The following GINM1 variants were observed in gnomAD, a reference collection of about 807,000 sequenced individuals.
The protein encoded by GINM1 is glycosylated integral membrane protein 1.
A neutral mutation model predicts 37.8 loss-of-function variants in GINM1; 29 were observed. The observed-to-expected ratio is 0.77, with a 90% CI of 0.57 to 1.05. The LOEUF is 1.05. GINM1 is among the 50% of genes least tolerant of loss of function. The probability of loss-of-function intolerance (pLI) is 0.00; values close to 1 mark genes in which losing one functional copy is unlikely to be tolerated. For missense variants in GINM1, 377 were observed against 397.9 expected (o/e 0.95, Z 0.45); for synonymous variants, 143 against 146.2 (o/e 0.98, Z 0.16).
At chr6:149,585,811 C>T (rs1160535463) in intron 7 of GINM1, among the ~76,000 whole-genome samples, 1 of 152,162 alleles carries the variant, frequency 6.6e-6, no homozygotes, top group Non-Finnish European at 1.5e-5. Flanking sequence ...CCAGGATGGT[C>T]TTGATCCCCT....
At position 149,566,485 on chromosome 6, in the gene GINM1, G is replaced by A. The variant is rs1351289320; in HGVS notation, c.71G>A (p.Trp24Ter). Residue 24 changes from tryptophan to a stop codon, truncating the protein, a stop_gained, in exon 1 of 8, where the codon TGG becomes TAG. Transcript: ENST00000367419. LOFTEE classifies it high-confidence loss of function. This position sits in a 1 kb window ranked among gnomAD's most constrained non-coding sequence, Gnocchi z 4.4. ...LLFVALPASG[W>*]LTTGAPEPPP... The stretch of plus-strand genomic sequence containing the variant: ...TTCGTGGCGCTACCCGCCTCCGGCT[G>A]GCTGACGACGGGCGCCCCCGAGCCG... The A allele has an allele frequency of 6.5e-7, 1 of 1,549,542 alleles. No individual in the cohort carries two copies. Among genetic ancestry groups the A allele is most frequent in the Admixed American group, 1.9e-5 (1 of 52,896 alleles).
rs568480017 is a variant in GINM1, at chr6:149,588,636, T to G, written c.882-2091T>G. Among the ~76,000 whole-genome samples, 11 of 152,286 alleles carry G rather than the reference T, an allele frequency of 7.2e-5. No individual in the cohort carries two copies. In the East Asian group the frequency reaches 1.5e-3, roughly 21 times the overall value. On this transcript the variant is annotated intron_variant, in intron 7 of 7. Coordinates refer to ENST00000367419, the MANE Select transcript of GINM1 (RefSeq NM_138785.5). ...GGGGCTTTTTTTGTTTGTTTTTTGTTTTTTAAAGACAGGGTTTTGTTCTGT... is the reference window on the plus strand; with the variant it reads ...GGGGCTTTTTTTGTTTGTTTTTTGTGTTTTAAAGACAGGGTTTTGTTCTGT...
At chr6:149,582,912 G>A (rs186080927) in intron 7 of GINM1, among the ~76,000 whole-genome samples, 2 of 152,278 alleles carry the variant, frequency 1.3e-5, no homozygotes, top group East Asian at 3.9e-4. Flanking sequence ...GCAACTGTAT[G>A]ATCAGAGGTG....
intron 3 of GINM1, among the ~76,000 whole-genome samples, chr6:149,575,056 C>G (rs1049799312): frequency 1.3e-5 from 2 of 152,128 alleles, no homozygotes; most frequent in African/African-American, 4.8e-5. Context: ...GTCCAATATT[C>G]ATGTGTGTTT....
Position 149,582,433 on chromosome 6 carries a change from T to C in GINM1, c.718-7T>C. The C allele has an allele frequency of 6.3e-7, 1 of 1,597,842 alleles. No individual in the cohort carries two copies. Among genetic ancestry groups the C allele is most frequent in the Non-Finnish European group, 8.5e-7 (1 of 1,176,384 alleles). ...ACTTGCATATCTAATCGAAATTCCT[T>C]TTTCAGGTAATGTGTCAGTGGATGG... is the stretch of plus-strand genomic sequence containing the variant. On this transcript the variant is annotated splice_region_variant and splice_polypyrimidine_tract_variant and intron_variant, in intron 6 of 7. Coordinates refer to ENST00000367419, the MANE Select transcript of GINM1 (RefSeq NM_138785.5).
chr6:149,590,028 C>T lies in GINM1; in HGVS notation c.882-699C>T, dbSNP rs142196234. Among the ~76,000 whole-genome samples, 1,281 of 152,226 alleles carry T rather than the reference C, an allele frequency of 8.4e-3. 23 individuals carry two copies. The highest frequency in any genetic ancestry group is 0.029 in the African/African-American group (1,211 of 41,550). ...ATGTTTCCCAGGCTGATCTTGAACT[C>T]CTGGGCTCAAGTGATCTGCCCGCCT... On this transcript the variant is annotated intron_variant, in intron 7 of 7. Coordinates refer to ENST00000367419, the MANE Select transcript of GINM1 (RefSeq NM_138785.5).
intron 7 of GINM1, among the ~76,000 whole-genome samples, 196 bp downstream of exon 7, chr6:149,582,799 A>G (rs76631805): frequency 1.4e-3 from 209 of 152,330 alleles, no homozygotes; most frequent in African/African-American, 4.9e-3. Context: ...AGCTATTGTG[A>G]TCAAGACATT....
chr6:149,572,349 G>A lies in GINM1; in HGVS notation c.180+5G>A. ...GGGGACATATCTAAACAGCAGGTTT[G>A]TCTCCTTTTCTGGTTTTAATATATA... On this transcript the variant is annotated splice_donor_5th_base_variant and intron_variant, in intron 2 of 7. Transcript: ENST00000367419. The A allele has an allele frequency of 6.3e-7, 1 of 1,580,388 alleles. No individual in the cohort carries two copies. The highest frequency in any genetic ancestry group is 8.6e-7 in the Non-Finnish European group (1 of 1,160,214).
intron 7 of GINM1, among the ~76,000 whole-genome samples, chr6:149,590,522 C>T (rs184626461): frequency 6.7e-4 from 102 of 152,234 alleles, no homozygotes; most frequent in South Asian, 1.0e-3. Context: ...TGAACTTCCT[C>T]GATGCCTTTC....
intron 1 of GINM1, among the ~76,000 whole-genome samples, chr6:149,568,808 T>C (rs1317733424): frequency 6.6e-6 from 1 of 152,128 alleles, no homozygotes; most frequent in African/African-American, 2.4e-5. Context: ...AATACAAGAT[T>C]GCACATAAGA....
At chr6:149,585,963 C>T (rs983492805) in intron 7 of GINM1, among the ~76,000 whole-genome samples, 1 of 152,074 alleles carries the variant, frequency 6.6e-6, no homozygotes, top group Non-Finnish European at 1.5e-5. Flanking sequence ...TACACAATAC[C>T]TCATATCTTG....
At chr6:149,577,867 C>T (rs1202147548) in intron 3 of GINM1, among the ~76,000 whole-genome samples, 1 of 152,196 alleles carries the variant, frequency 6.6e-6, no homozygotes, top group African/African-American at 2.4e-5. Flanking sequence ...GCCGTTGGCT[C>T]TGTAAACCAG....
At position 149,566,590 on chromosome 6, in the gene GINM1, CG is replaced by C. The variant is rs1777721799; in HGVS notation, c.120+59del. 2 of 1,426,562 alleles carry C rather than the reference CG, an allele frequency of 1.4e-6. No individual in the cohort carries two copies. The highest frequency in any genetic ancestry group is 3.0e-5 in the African/African-American group (2 of 67,238). 88.4% of individuals were successfully genotyped at this position (1,426,562 alleles called of 1,614,324 possible). A position where few individuals can be genotyped will look rare whatever the true frequency, so the allele number is the denominator to read the frequency against. On this transcript the variant is annotated intron_variant, in intron 1 of 7. Coordinates refer to ENST00000367419, the MANE Select transcript of GINM1 (RefSeq NM_138785.5). The surrounding 1 kb of genome is among the most constrained non-coding windows in gnomAD (Gnocchi z 4.4). ...TACGACTCCGACTCTCCGGGAGGCC[CG>C]GGCTGTCCACAGTGACGCTTCCCAC...
rs1582736317 is a variant in GINM1 at position 149,580,658 on chromosome 6, G to A, written c.652G>A (p.Glu218Lys). Reference protein sequence around the residue: ...LIRNVETTVDEDVLPGKLPET... With the variant: ...LIRNVETTVDKDVLPGKLPET... ...CAGGAATGTGGAAACCACTGTAGAT[G>A]AAGATGTTTTACCTGGCAAGTTACC... Residue 218 changes from glutamate to lysine, a missense_variant, in exon 6 of 8, where the codon GAA becomes AAA. Physicochemically the swap from Glu to Lys is moderately conservative, Grantham distance 56 (BLOSUM62 1). Coordinates refer to ENST00000367419, the MANE Select transcript of GINM1 (RefSeq NM_138785.5). 6.2e-7 allele frequency: 1 copy of A among 1,613,314 alleles called. No individual in the cohort carries two copies. The highest frequency in any genetic ancestry group is 2.2e-5 in the East Asian group (1 of 44,826).
In GINM1 at chr6:149,582,484, G is replaced by A. The variant is rs1355985458; in HGVS notation, c.762G>A (p.Arg254=). Residue 254 remains arginine (R), a synonymous_variant, in exon 7 of 8, where the codon AGG becomes AGA. Coordinates refer to ENST00000367419, the MANE Select transcript of GINM1 (RefSeq NM_138785.5). ...WMEKFRKDLC[R]FWSNVFPVFF... is the part of the protein sequence containing the mutation. ...AAAAGTTTAGAAAAGATCTGTGTAG[G>A]TTCTGGAGCAACGTTTTCCCAGTAT... 6.2e-7 allele frequency: 1 copy of A among 1,611,964 alleles called. No homozygotes were observed. Among genetic ancestry groups the A allele is most frequent in the East Asian group, 2.2e-5 (1 of 44,744 alleles).
intron 6 of GINM1, 111 bp downstream of exon 6, chr6:149,580,834 G>A (rs1015342996): frequency 1.2e-5 from 10 of 867,958 alleles, no homozygotes; most frequent in Non-Finnish European, 1.8e-5. Flanking sequence ...GTAGAGCATT[G>A]GTGATAATGG....
intron 7 of GINM1, among the ~76,000 whole-genome samples, chr6:149,587,126 C>G (rs1490041552): frequency 1.3e-5 from 2 of 152,048 alleles, no homozygotes; most frequent in African/African-American, 4.8e-5. Flanking sequence ...TATAGCTTAC[C>G]TATTCTTTTT....
At chr6:149,586,296 G>T (rs1247126431) in intron 7 of GINM1, among the ~76,000 whole-genome samples, 1 of 152,092 alleles carries the variant, frequency 6.6e-6, no homozygotes, top group East Asian at 1.9e-4. Context: ...GAACAGCAGG[G>T]GGGTGTCAGG....
At chr6:149,574,084 CTTG>C (rs1777873239) in intron 3 of GINM1, among the ~76,000 whole-genome samples, 1 of 128,696 alleles carries the variant, frequency 7.8e-6, no homozygotes, top group African/African-American at 3.0e-5. Flanking sequence ...AGTTTTTGCT[CTTG>C]TTGTCCAGGC....
Sources: gnomAD v4.1 joint callset for allele counts (sites outside exome capture counted in the v4.1 genomes callset) on GRCh38, gnomAD v4.1.1 for gene constraint, Gnocchi (gnomAD v3.1) non-coding constraint, MANE v1.5 for transcripts, NCBI Gene and HGNC (gene_info 2026-07-23, HGNC 2026-07-21) for gene names.